NEK11: variants seen among roughly 807,000 people sequenced by gnomAD.
NEK11 encodes the protein serine/threonine-protein kinase Nek11.
NEK11 carries 72 observed loss-of-function variants against 80.7 expected under a neutral mutation model. That is an observed-to-expected ratio of 0.89 (90% confidence interval 0.74 to 1.08). The LOEUF (loss-of-function observed/expected upper bound fraction) is 1.08, where lower values mean the gene tolerates loss of function less well. NEK11 is among the 50% of genes least tolerant of loss of function. NEK11 has a pLI of 0.00. For synonymous variants in NEK11, 251 were observed against 260.7 expected (o/e 0.96, Z 0.36); for missense variants, 764 against 763.6 (o/e 1.00, Z -0.01).
chr3:131,052,148 T>G (rs1252216581), intron 3 of NEK11, among the ~76,000 whole-genome samples: 1 of 130,712 alleles, frequency 7.7e-6, no homozygotes, highest in Non-Finnish European at 1.7e-5. Flanking sequence ...TTTTTTTTTT[T>G]GCTTTTTTCA....
chr3:131,106,059 A>G (rs1267578439), intron 4 of NEK11, among the ~76,000 whole-genome samples: 1 of 152,150 alleles, frequency 6.6e-6, no homozygotes, highest in Admixed American at 6.5e-5. Flanking sequence ...TTAGCCCTTT[A>G]TGACCTTAAT....
chr3:131,147,016 G>A (rs1443236343), intron 7 of NEK11, among the ~76,000 whole-genome samples: 1 of 151,954 alleles, frequency 6.6e-6, no homozygotes, highest in Non-Finnish European at 1.5e-5. Flanking sequence ...CTTTTTATGA[G>A]TAGAAGTTTG....
At chr3:131,309,747 C>T (rs2096759330) in intron 17 of NEK11, among the ~76,000 whole-genome samples, 1 of 151,608 alleles carries the variant, frequency 6.6e-6, no homozygotes, top group Admixed American at 6.6e-5. Flanking sequence ...GAGGGTAAAA[C>T]ATTTTATTTT....
At chr3:131,202,007 G>A (rs1428817733) in intron 14 of NEK11, among the ~76,000 whole-genome samples, 1 of 151,962 alleles carries the variant, frequency 6.6e-6, no homozygotes, top group South Asian at 2.1e-4. Flanking sequence ...GCTAATTTTT[G>A]TATTTTTAGT....
At chr3:131,090,012 G>GT (rs2076511357) in intron 4 of NEK11, among the ~76,000 whole-genome samples, 1 of 151,844 alleles carries the variant, frequency 6.6e-6, no homozygotes, top group African/African-American at 2.4e-5. Flanking sequence ...ACATTGCAGG[G>GT]GTTTTTTTGT....
chr3:131,027,907 C>G (rs1330230901), intron 1 of NEK11, 23 bp from the exon 2 acceptor site: 1 of 152,172 alleles, frequency 6.6e-6, no homozygotes, highest in Non-Finnish European at 1.5e-5. Flanking sequence ...CTGTCCGTCC[C>G]TAATTCTGTC....
At chr3:131,270,931 G>C (rs552838545) in intron 16 of NEK11, among the ~76,000 whole-genome samples, 37 of 152,100 alleles carry the variant, frequency 2.4e-4, no homozygotes, top group Non-Finnish European at 5.1e-4. Context: ...GAGTTACTTA[G>C]CATGGTATGG....
At chr3:131,058,197 G>A (rs1225663948) in intron 3 of NEK11, among the ~76,000 whole-genome samples, 2 of 152,138 alleles carry the variant, frequency 1.3e-5, no homozygotes, top group African/African-American at 4.8e-5. Context: ...TCAGATAGTT[G>A]TAGATATGCG....
At chr3:131,331,490 C>G (rs1368217496) in intron 17 of NEK11, among the ~76,000 whole-genome samples, 1 of 152,120 alleles carries the variant, frequency 6.6e-6, no homozygotes, top group Admixed American at 6.5e-5. Context: ...CCAAGATGGC[C>G]GAATAGGAAC....
chr3:131,184,779 T>C, intron 14 of NEK11: 1 of 1,132,874 alleles, frequency 8.8e-7, no homozygotes, highest in Non-Finnish European at 1.2e-6. Context: ...GGAAATAGAA[T>C]CCTCCATGCA....
At chr3:131,287,428 C>A (rs1221792922) in intron 17 of NEK11, among the ~76,000 whole-genome samples, 2 of 152,124 alleles carry the variant, frequency 1.3e-5, no homozygotes, top group South Asian at 4.1e-4. Flanking sequence ...CATGCGCCAC[C>A]ACGCCTGGCT....
intron 14 of NEK11, among the ~76,000 whole-genome samples, chr3:131,219,096 A>G (rs1429513590): frequency 6.6e-6 from 1 of 152,206 alleles, no homozygotes; most frequent in Non-Finnish European, 1.5e-5. Flanking sequence ...ATGCACATGT[A>G]TGTTTATTGC....
At chr3:131,187,622 G>A (rs912890818) in intron 14 of NEK11, among the ~76,000 whole-genome samples, 3 of 152,104 alleles carry the variant, frequency 2.0e-5, no homozygotes, top group African/African-American at 7.2e-5. Flanking sequence ...ACTGGACCCA[G>A]CCCCATCTGC....
chr3:131,322,157 C>T (rs1392542767), intron 17 of NEK11, among the ~76,000 whole-genome samples: 3 of 152,118 alleles, frequency 2.0e-5, no homozygotes, highest in African/African-American at 7.2e-5. Context: ...TATGCTGCAG[C>T]CATAAAAAAG....
chr3:131,036,136 G>A (rs1450317734), intron 3 of NEK11, among the ~76,000 whole-genome samples: 3 of 152,342 alleles, frequency 2.0e-5, no homozygotes, highest in South Asian at 4.1e-4. Context: ...CCTCTGAGAG[G>A]AGATAGGAAG....
intron 14 of NEK11, among the ~76,000 whole-genome samples, chr3:131,190,193 C>T (rs753632755): frequency 2.6e-5 from 4 of 152,142 alleles, no homozygotes; most frequent in Non-Finnish European, 4.4e-5. Context: ...CTTATTCATG[C>T]TCTCAAAAAC....
chr3:131,041,783 T>C (rs554912436), intron 3 of NEK11, among the ~76,000 whole-genome samples: 2 of 152,260 alleles, frequency 1.3e-5, no homozygotes, highest in Admixed American at 6.5e-5. Context: ...ACTTCTACTT[T>C]ATAAAAATTC....
intron 17 of NEK11, among the ~76,000 whole-genome samples, chr3:131,305,234 C>T (rs893146690): frequency 1.8e-4 from 28 of 151,988 alleles, no homozygotes; most frequent in African/African-American, 5.8e-4. Flanking sequence ...TTGGTGAGTG[C>T]GTGCTAACAA....
intron 17 of NEK11, among the ~76,000 whole-genome samples, chr3:131,302,356 T>A (rs1274029145): frequency 1.3e-5 from 2 of 152,182 alleles, no homozygotes; most frequent in Non-Finnish European, 2.9e-5. Flanking sequence ...CTCAGTTTCA[T>A]TCAGTTCAGC....
Sources: gnomAD v4.1 joint callset for allele counts (sites outside exome capture counted in the v4.1 genomes callset) on GRCh38, gnomAD v4.1.1 for gene constraint, MANE v1.5 for transcripts, NCBI Gene and HGNC (gene_info 2026-07-23, HGNC 2026-07-21) for gene names.